The following PCDHA4 variants were observed in gnomAD, a reference collection of about 807,000 sequenced individuals.
PCDHA4 encodes the protein protocadherin alpha 4, also known as protocadherin alpha-4.
Under a neutral mutation model 61.4 loss-of-function variants are expected in PCDHA4, and 49 were observed. The ratio of observed to expected loss-of-function variants is 0.80; its 90% CI spans 0.63 to 1.01. The LOEUF is 1.01. Among genes scored for constraint, PCDHA4 ranks in the 50% least tolerant of loss-of-function variants. The probability of loss-of-function intolerance (pLI) is 0.00; values close to 1 mark genes in which losing one functional copy is unlikely to be tolerated. For missense variants in PCDHA4, 1,254 were observed against 1,235.8 expected (o/e 1.01, Z -0.22); for synonymous variants, 590 against 550.3 (o/e 1.07, Z -1.01).
intron 1 of PCDHA4, among the ~76,000 whole-genome samples, chr5:140,915,296 A>G (rs556254508): frequency 6.6e-6 from 1 of 152,086 alleles, no homozygotes; most frequent in East Asian, 1.9e-4. Flanking sequence ...TCTACTTAAG[A>G]TAAGTTTACA....
intron 1 of PCDHA4, among the ~76,000 whole-genome samples, chr5:140,948,492 A>G (rs915795889): frequency 4.0e-5 from 6 of 151,594 alleles, no homozygotes; most frequent in Non-Finnish European, 8.9e-5. Flanking sequence ...AATTTCTTTC[A>G]TAGACTTTCT....
At chr5:140,912,178 G>A (rs2153520957) in intron 1 of PCDHA4, among the ~76,000 whole-genome samples, 1 of 152,266 alleles carries the variant, frequency 6.6e-6, no homozygotes, top group South Asian at 2.1e-4. Flanking sequence ...GCTGGCAGCT[G>A]ATTAGATTGT....
chr5:140,967,111 T>G, intron 1 of PCDHA4: 1 of 1,612,990 alleles, frequency 6.2e-7, no homozygotes, highest in East Asian at 2.2e-5. Context: ...AGCAGCGGCC[T>G]CGCTGCCTGC....
At chr5:140,819,040 G>A (rs2150103019) in intron 1 of PCDHA4, among the ~76,000 whole-genome samples, 129 of 152,194 alleles carry the variant, frequency 8.5e-4, no homozygotes, top group Non-Finnish European at 1.5e-3. Context: ...TTCCCTTATA[G>A]GGCAGTTATA....
intron 1 of PCDHA4, chr5:140,842,982 T>C (rs2150349122): frequency 6.3e-7 from 1 of 1,594,948 alleles, no homozygotes; most frequent in Non-Finnish European, 8.6e-7. Context: ...CTGCAGGTGT[T>C]CGTGCTGGAC....
chr5:140,853,979 T>A, intron 1 of PCDHA4: 2 of 564,826 alleles, frequency 3.5e-6, no homozygotes, highest in Non-Finnish European at 4.6e-6. Flanking sequence ...TTGAGACCAA[T>A]GTAGTGAGAC....
At chr5:140,943,278 G>A (rs246067) in intron 1 of PCDHA4, among the ~76,000 whole-genome samples, 37,737 of 121,894 alleles carry the variant, frequency 0.31, 6,744 homozygotes, top group East Asian at 0.43. Flanking sequence ...AAAAAAAAAA[G>A]AAAGAAAGAA....
chr5:140,877,091 C>A, intron 1 of PCDHA4: 1 of 1,613,252 alleles, frequency 6.2e-7, no homozygotes. Flanking sequence ...GCGCGCGACG[C>A]CGGCGTGCCG....
intron 3 of PCDHA4, among the ~76,000 whole-genome samples, chr5:140,993,154 A>T (rs2097543247): frequency 6.6e-6 from 1 of 152,220 alleles, no homozygotes; most frequent in Admixed American, 6.5e-5. Flanking sequence ...AATGGATTCT[A>T]AATATTTGCC....
chr5:140,836,416 C>T (rs2150260250), intron 1 of PCDHA4: 62 of 1,613,794 alleles, frequency 3.8e-5, no homozygotes, highest in Non-Finnish European at 5.0e-5. Context: ...GCACCAAAGG[C>T]GTCGTCGCGG....
chr5:140,928,757 G>T (rs372744198), intron 1 of PCDHA4: 1 of 1,614,092 alleles, frequency 6.2e-7, no homozygotes, highest in African/African-American at 1.3e-5. Context: ...CGTACTGCTC[G>T]CTTAGTTCTT....
In PCDHA4 at chr5:140,883,718, G is replaced by A. The variant is rs376943163; in HGVS notation, c.2385+74146G>A. 7 of 1,613,642 alleles carry A rather than the reference G, an allele frequency of 4.3e-6. No homozygotes were observed. The South Asian group carries it at 6.6e-5, about 15-fold the overall frequency. ...CACGGTGTCTGCTCAGGACGCGGAC[G>A]CACAGGAGAACGCGCTGGTCTCCTA... On this transcript the variant is annotated intron_variant, in intron 1 of 3. Transcript: ENST00000530339.
intron 1 of PCDHA4, among the ~76,000 whole-genome samples, chr5:140,924,926 TAAAATAAAATAAAAA>T (rs1425116753): frequency 8.4e-6 from 1 of 119,430 alleles, no homozygotes; most frequent in Non-Finnish European, 1.8e-5. Flanking sequence ...TAAAATAAAA[TAAAATAAAATAAAAA>T]GTTAAAAAAA....
At chr5:140,842,434 A>C (rs2150336134) in intron 1 of PCDHA4, 2 of 1,613,586 alleles carry the variant, frequency 1.2e-6, no homozygotes, top group Non-Finnish European at 8.5e-7. Flanking sequence ...TCATCGCCCT[A>C]ATTAGCGTGA....
intron 1 of PCDHA4, chr5:140,856,894 T>C (rs1389376451): frequency 6.3e-7 from 1 of 1,596,592 alleles, no homozygotes; most frequent in Non-Finnish European, 8.6e-7. Context: ...CATTTAGCTC[T>C]TTGGTCCCAC....
At chr5:141,001,683 C>T (rs1042436989) in intron 3 of PCDHA4, among the ~76,000 whole-genome samples, 1 of 152,030 alleles carries the variant, frequency 6.6e-6, no homozygotes, top group Non-Finnish European at 1.5e-5. Flanking sequence ...TCCAACAAAC[C>T]CCACAGATGG....
chr5:140,841,209 T>A (rs1777094069), intron 1 of PCDHA4: 4 of 1,385,024 alleles, frequency 2.9e-6, no homozygotes, highest in Non-Finnish European at 3.9e-6. Context: ...AGCATCTGTC[T>A]CTAAAGGCCG....
chr5:140,942,429 A>C (rs543442477), intron 1 of PCDHA4, among the ~76,000 whole-genome samples: 1 of 152,226 alleles, frequency 6.6e-6, no homozygotes, highest in Admixed American at 6.5e-5. Context: ...AAAGATATCT[A>C]ACAATAAACA....
chr5:141,011,288 T>C lies in PCDHA4; in HGVS notation c.*1351T>C, dbSNP rs1379355395. 1 of 153,798 alleles carries C rather than the reference T, an allele frequency of 6.5e-6. No individual in the cohort carries two copies. Among genetic ancestry groups the C allele is most frequent in the Non-Finnish European group, 1.5e-5 (1 of 68,050 alleles). The allele number at this position is 153,798 out of a possible 1,614,324, so 9.5% of individuals were successfully genotyped here. A position where few individuals can be genotyped will look rare whatever the true frequency, so the allele number is the denominator to read the frequency against. On this transcript the variant is annotated 3_prime_UTR_variant, in exon 4 of 4. Transcript: ENST00000530339. ...CTTCTCTTTGGTTTAGTTTTCCTTT[T>C]CTATAACACTCTGAATTGCTAATCT... is the stretch of plus-strand genomic sequence containing the variant.
Sources: gnomAD v4.1 joint callset for allele counts (sites outside exome capture counted in the v4.1 genomes callset) on GRCh38, gnomAD v4.1.1 for gene constraint, MANE v1.5 for transcripts, NCBI Gene and HGNC (gene_info 2026-07-23, HGNC 2026-07-21) for gene names.